Variants in SRPX observed in about 807,000 individuals in gnomAD.
SRPX encodes sushi repeat-containing protein SRPX.
A neutral mutation model predicts 38.1 loss-of-function variants in SRPX; 24 were observed. The observed-to-expected ratio is 0.63, with a 90% CI of 0.46 to 0.89. The LOEUF (loss-of-function observed/expected upper bound fraction) is 0.89. SRPX is among the 40% of genes least tolerant of loss of function. The pLI, the probability that SRPX is intolerant of heterozygous loss-of-function variation, is 0.00. For synonymous variants in SRPX, 184 were observed against 153.8 expected, an observed-to-expected ratio of 1.20 and a Z score of -1.45; for missense variants, 416 against 377.8, an observed-to-expected ratio of 1.10 and a Z score of -0.84.
At position 38,212,201 on chromosome X, in the gene SRPX, T is replaced by A. The variant is rs189379666; in HGVS notation, c.97+8495A>T. Among the ~76,000 whole-genome samples the A allele has an allele frequency of 7.6e-3, 849 of 112,417 alleles. 5 individuals carry two copies. The highest frequency in any genetic ancestry group is 0.014 in the Middle Eastern group (3 of 218). On this transcript the variant is annotated intron_variant, in intron 1 of 9. Coordinates refer to ENST00000378533, the MANE Select transcript of SRPX (RefSeq NM_006307.5). ...TCAAGGCTAAGCCAGGCAGGGGCTG[T>A]ATTCCTGGCAGAAAGGCTTAAAAGG...
chrX:38,161,299 G>A (rs1336383718), intron 5 of SRPX, among the ~76,000 whole-genome samples: 1 of 111,101 alleles, frequency 9.0e-6, no homozygotes, highest in Admixed American at 9.6e-5. Flanking sequence ...TTGCTGAAGG[G>A]TAGAATGGTA....
At chrX:38,162,906 T>C (rs778510741) in intron 5 of SRPX, among the ~76,000 whole-genome samples, 2 of 113,079 alleles carry the variant, frequency 1.8e-5, no homozygotes, top group African/African-American at 6.4e-5. Context: ...TCACAAAGCT[T>C]GTAGACAAAT....
intron 1 of SRPX, among the ~76,000 whole-genome samples, chrX:38,220,415 G>C (rs1488314036): frequency 1.8e-5 from 2 of 113,457 alleles, no homozygotes; most frequent in Admixed American, 1.8e-4. Context: ...CACCGAAAAG[G>C]GTTTGATTGG....
intron 7 of SRPX, 140 bp from the exon 8 acceptor site, chrX:38,157,169 G>T: frequency 1.4e-6 from 1 of 729,789 alleles, no homozygotes; most frequent in Non-Finnish European, 2.0e-6. Flanking sequence ...TATTTGGGAG[G>T]CAGTCCCAAG....
At chrX:38,150,935 C>G (rs1198410929) in intron 9 of SRPX, among the ~76,000 whole-genome samples, 1 of 112,001 alleles carries the variant, frequency 8.9e-6, no homozygotes, top group African/African-American at 3.2e-5. Context: ...CCCACTCAGT[C>G]TCTTCTCCAG....
rs781012550 is a variant in SRPX, at chrX:38,220,704, C to G, written c.89G>C (p.Ser30Thr). 3.0e-5 allele frequency: 35 copies of G among 1,177,669 alleles called. No homozygotes were observed. The highest frequency in any genetic ancestry group is 3.9e-5 in the Non-Finnish European group (34 of 883,039). ...CACGCCTCCGATCCTACCTGGGAAGCTGCGGCTGGGCGGGACGCGCAGCAG... is the reference window on the plus strand; with the variant it reads ...CACGCCTCCGATCCTACCTGGGAAGGTGCGGCTGGGCGGGACGCGCAGCAG... ...LLLLRVPPSR[S>T]FPGSGDSPLE... is the part of the protein sequence containing the mutation. Residue 30 changes from serine to threonine, a missense_variant, in exon 1 of 10, where the codon AGC becomes ACC. Transcript: ENST00000378533.
chrX:38,206,436 T>C (rs988811178), intron 1 of SRPX, among the ~76,000 whole-genome samples: 4 of 112,481 alleles, frequency 3.6e-5, no homozygotes, highest in Non-Finnish European at 7.5e-5. Context: ...TGGTTTCTTA[T>C]GCATCAAAAG....
intron 1 of SRPX, among the ~76,000 whole-genome samples, chrX:38,197,832 T>A (rs1281515310): frequency 8.9e-6 from 1 of 111,763 alleles, no homozygotes; most frequent in East Asian, 2.8e-4. Context: ...GTACCAAAAG[T>A]GAGAAATAAG....
intron 2 of SRPX, among the ~76,000 whole-genome samples, chrX:38,176,841 C>T (rs949694339): frequency 4.5e-5 from 5 of 111,736 alleles, no homozygotes; most frequent in African/African-American, 1.6e-4. Flanking sequence ...TTGTATGAAG[C>T]GCACAACATG....
rs1400205477 is a variant in SRPX at position 38,174,196 on chromosome X, A to T, written c.313T>A (p.Ser105Thr). Residue 105 changes from serine (S) to threonine (T), a missense_variant, in exon 3 of 10, where the codon TCA becomes ACA. Coordinates refer to ENST00000378533, the MANE Select transcript of SRPX (RefSeq NM_006307.5). Reference protein sequence around the residue: ...LHGSSLLICQSNKRWSDKVIC... With the variant: ...LHGSSLLICQTNKRWSDKVIC... The stretch of plus-strand genomic sequence containing the variant: ...ACCTTGTCAGACCATCGTTTGTTTG[A>T]CTGGCAGATCAGTAGGGAAGAGCCA... The T allele has an allele frequency of 1.8e-6, 2 of 1,117,754 alleles. No homozygotes were observed. Among genetic ancestry groups the T allele is most frequent in the Admixed American group, 6.1e-5 (2 of 32,527 alleles). 92.1% of individuals were successfully genotyped at this position (1,117,754 alleles called of 1,213,427 possible). A position where few individuals can be genotyped will look rare whatever the true frequency, so the allele number is the denominator to read the frequency against.
At chrX:38,171,287 G>T (rs993147851) in intron 4 of SRPX, among the ~76,000 whole-genome samples, 7 of 111,430 alleles carry the variant, frequency 6.3e-5, no homozygotes, top group Admixed American at 5.7e-4. Context: ...AAAACAAAAT[G>T]CTGTGCCTGA....
intron 9 of SRPX, among the ~76,000 whole-genome samples, chrX:38,151,651 G>A (rs987603475): frequency 3.6e-5 from 4 of 111,234 alleles, no homozygotes; most frequent in Non-Finnish European, 7.5e-5. Context: ...CAGGCTAGCA[G>A]CAGCCACAGG....
intron 6 of SRPX, among the ~76,000 whole-genome samples, 176 bp downstream of exon 6, chrX:38,160,757 T>C (rs1200759445): frequency 9.0e-6 from 1 of 111,436 alleles, no homozygotes; most frequent in Non-Finnish European, 1.9e-5. Flanking sequence ...TCCGGATGTG[T>C]ATCGTGAAAT....
rs1365818721 is a variant in SRPX at position 38,178,324 on chromosome X, C to A, written c.118G>T (p.Glu40Ter). The A allele has an allele frequency of 1.7e-6, 2 of 1,208,076 alleles. No individual in the cohort carries two copies. The highest frequency in any genetic ancestry group is 1.8e-5 in the African/African-American group (1 of 56,924). The change falls in exon 2 of 10, where the codon GAA becomes TAA. Residue 40 changes from glutamate to a stop codon, truncating the protein, a stop_gained. Transcript: ENST00000378533. LOFTEE classifies it high-confidence loss of function. ...TGTGAATACCCGACTTCATCGTCTT[C>A]TAGTGGTGAGTCTCCCGATCCTACA... ...SFPGSGDSPL[E>*]DDEVGYSHPR...
At chrX:38,216,201 A>G (rs965636304) in intron 1 of SRPX, among the ~76,000 whole-genome samples, 2 of 111,929 alleles carry the variant, frequency 1.8e-5, no homozygotes, top group African/African-American at 6.5e-5. Flanking sequence ...AACCAATTCC[A>G]GTGTTCCCAC....
intron 7 of SRPX, among the ~76,000 whole-genome samples, chrX:38,157,577 C>A (rs953427574): frequency 8.9e-6 from 1 of 111,815 alleles, no homozygotes; most frequent in African/African-American, 3.3e-5. Context: ...ATTGGGCCCA[C>A]TGGGTAATTC....
In SRPX at chrX:38,160,961, G is replaced by A; in HGVS notation, c.747C>T (p.Gly249=). The A allele has an allele frequency of 8.3e-7, 1 of 1,209,464 alleles. No individual in the cohort carries two copies. Among genetic ancestry groups the A allele is most frequent in the Non-Finnish European group, 1.1e-6 (1 of 894,315 alleles). ...YTVYDRAENK[G]TCKFRVKVRV... ...TTACTTTAACTCGAAATTTGCAAGT[G>A]CCCTTATTCTCAGCTCTGTCATAGA... The change falls in exon 6 of 10, where the codon GGC becomes GGT. Residue 249 remains glycine, a synonymous_variant. Coordinates refer to ENST00000378533, the MANE Select transcript of SRPX (RefSeq NM_006307.5).
intron 2 of SRPX, 144 bp downstream of exon 2, chrX:38,178,141 A>T: frequency 2.7e-6 from 1 of 372,794 alleles, no homozygotes. Context: ...AAGGGAGTAT[A>T]TATATATATT....
At chrX:38,163,575 T>C (rs756298128) in intron 5 of SRPX, among the ~76,000 whole-genome samples, 49 of 111,432 alleles carry the variant, frequency 4.4e-4, no homozygotes, top group Non-Finnish European at 8.9e-4. Flanking sequence ...GAACAACACA[T>C]AGCTAACCCT....
Sources: gnomAD v4.1 joint callset for allele counts (sites outside exome capture counted in the v4.1 genomes callset) on GRCh38, gnomAD v4.1.1 for gene constraint, MANE v1.5 for transcripts, NCBI Gene and HGNC (gene_info 2026-07-23, HGNC 2026-07-21) for gene names.